Variants in KAZN observed in about 807,000 individuals in gnomAD.
The protein encoded by KAZN is kazrin, periplakin interacting protein.
In KAZN, 40 loss-of-function variants were observed where a neutral mutation model predicts 87.4. The ratio of observed to expected loss-of-function variants is 0.46; its 90% CI spans 0.36 to 0.60. The LOEUF is 0.60. Ranked by LOEUF, KAZN falls within the 20% of genes least tolerant of loss-of-function variation. KAZN has a pLI of 0.00. For synonymous variants in KAZN, 466 were observed against 458.3 expected, an observed-to-expected ratio of 1.02 and a Z score of -0.22; for missense variants, 898 against 1,073.9, an observed-to-expected ratio of 0.84 and a Z score of 2.29.
intron 1 of KAZN, among the ~76,000 whole-genome samples, chr1:14,702,326 C>CTG (rs3222186): frequency 0.25 from 32,950 of 133,220 alleles, 3,965 homozygotes; most frequent in Non-Finnish European, 0.29. Context: ...TTTTGCAAAA[C>CTG]TGTGTGTGTG....
At chr1:15,043,870 C>T (rs1673180113) in intron 3 of KAZN, 119 bp from the exon 4 acceptor site, 1 of 1,019,728 alleles carries the variant, frequency 9.8e-7, no homozygotes, top group Non-Finnish European at 1.4e-6. Flanking sequence ...GTCTCAATCT[C>T]CTGACCTCGT....
chr1:14,362,088 A>G (rs1659567583), intron 2 of KAZN, among the ~76,000 whole-genome samples: 1 of 152,126 alleles, frequency 6.6e-6, no homozygotes, highest in Admixed American at 6.5e-5. Flanking sequence ...TATTACCATA[A>G]ACTTACTGAC....
intron 1 of KAZN, among the ~76,000 whole-genome samples, chr1:14,942,465 C>T (rs758827255): frequency 2.0e-4 from 31 of 152,228 alleles, no homozygotes; most frequent in Non-Finnish European, 4.1e-4. Flanking sequence ...CCGCTCCAAA[C>T]GTTAACACGC....
At chr1:14,899,894 C>A (rs530159966) in intron 1 of KAZN, among the ~76,000 whole-genome samples, 120 of 152,362 alleles carry the variant, frequency 7.9e-4, no homozygotes, top group Non-Finnish European at 1.4e-3. Flanking sequence ...TTCCTATCGC[C>A]CTCTCTCCTC....
intron 1 of KAZN, among the ~76,000 whole-genome samples, chr1:14,003,622 G>T (rs987734484): frequency 2.0e-5 from 3 of 152,162 alleles, no homozygotes; most frequent in Admixed American, 6.5e-5. Flanking sequence ...CTGCAGTGTG[G>T]TGGTGAAATT....
intron 2 of KAZN, among the ~76,000 whole-genome samples, chr1:14,539,745 G>T (rs184448958): frequency 8.6e-5 from 13 of 150,432 alleles, no homozygotes; most frequent in Non-Finnish European, 1.5e-4. Context: ...GACGTTTTTA[G>T]GCCCTGACTT....
intron 2 of KAZN, among the ~76,000 whole-genome samples, chr1:14,992,400 G>A (rs988621188): frequency 6.6e-6 from 1 of 152,182 alleles, no homozygotes; most frequent in African/African-American, 2.4e-5. Context: ...CCCGGGCCAA[G>A]GGTGAGGAGG....
At chr1:14,064,000 T>G (rs1308258295) in intron 1 of KAZN, among the ~76,000 whole-genome samples, 4 of 151,834 alleles carry the variant, frequency 2.6e-5, no homozygotes, top group Non-Finnish European at 5.9e-5. Context: ...CACTGCAACC[T>G]CCACCTCTTG....
At chr1:14,025,303 C>G (rs1641022511) in intron 1 of KAZN, among the ~76,000 whole-genome samples, 1 of 152,214 alleles carries the variant, frequency 6.6e-6, no homozygotes. Flanking sequence ...GGCAGCTCTG[C>G]TCAGTTCTGA....
intron 4 of KAZN, among the ~76,000 whole-genome samples, chr1:15,048,730 ATGGGTCGTCGATCCTGGGTCGTCGATCC>A (rs1296160724): frequency 8.1e-5 from 8 of 98,846 alleles, no homozygotes; most frequent in African/African-American, 2.6e-4. Context: ...GTCGTTGGTC[ATGGGTCGTCGATCCTGGGTCGTCGATCC>A]TGGGTCGTCG....
Position 15,096,198 on chromosome 1 carries a change from G to A in KAZN, c.1547+1265G>A, listed in dbSNP as rs1351438550. ...GCCCCCTTACCCCACACCCAGCAGG[G>A]TCCATAAACACTGCCTGTGTTCAAT... On this transcript the variant is annotated intron_variant, in intron 10 of 14. Coordinates refer to ENST00000376030, the MANE Select transcript of KAZN (RefSeq NM_201628.3). The surrounding 1 kb of genome is among the most constrained non-coding windows in gnomAD (Gnocchi z 4.5). 6.6e-6 allele frequency among the ~76,000 whole-genome samples: 1 copy of A among 152,134 alleles called. No individual in the cohort carries two copies. Among genetic ancestry groups the A allele is most frequent in the Admixed American group, 6.5e-5 (1 of 15,276 alleles).
chr1:13,897,268 C>A (rs185860200), intron 1 of KAZN, among the ~76,000 whole-genome samples: 44 of 152,270 alleles, frequency 2.9e-4, no homozygotes, highest in Admixed American at 2.9e-3. Flanking sequence ...TGGCTCCTTG[C>A]AGAAAAAACA....
chr1:13,969,333 C>G (rs1263795898), intron 1 of KAZN, among the ~76,000 whole-genome samples: 2 of 152,152 alleles, frequency 1.3e-5, no homozygotes, highest in Non-Finnish European at 2.9e-5. Flanking sequence ...AGTGTGGGCT[C>G]TTAATCCAAT....
At chr1:15,080,212 A>G in intron 8 of KAZN, among the ~76,000 whole-genome samples, 1 of 152,208 alleles carries the variant, frequency 6.6e-6, no homozygotes, top group Admixed American at 6.5e-5. Flanking sequence ...TGGCACCAAA[A>G]TGAGGGGGCG....
At chr1:14,202,646 C>T (rs1338765128) in intron 2 of KAZN, among the ~76,000 whole-genome samples, 2 of 152,124 alleles carry the variant, frequency 1.3e-5, no homozygotes, top group Admixed American at 1.3e-4. Context: ...TAGCTAGTGA[C>T]CTCAGGAGTG....
At chr1:15,078,060 G>A (rs1342106815) in intron 8 of KAZN, among the ~76,000 whole-genome samples, 4 of 152,252 alleles carry the variant, frequency 2.6e-5, no homozygotes, top group South Asian at 4.1e-4. Flanking sequence ...CCAAAGTCAC[G>A]TAAGAAATTT....
At chr1:14,465,398 CAAAA>C (rs71572107) in intron 2 of KAZN, among the ~76,000 whole-genome samples, 1 of 84,814 alleles carries the variant, frequency 1.2e-5, no homozygotes, top group Non-Finnish European at 2.1e-5. Flanking sequence ...GACTCTGTCT[CAAAA>C]AAAAAAAAAA....
chr1:14,900,540 T>G (rs1655749419), intron 1 of KAZN, among the ~76,000 whole-genome samples: 1 of 151,820 alleles, frequency 6.6e-6, no homozygotes, highest in Admixed American at 6.6e-5. Context: ...GATCATGAGG[T>G]CAGGAGATCG....
chr1:14,833,198 C>T (rs1217183017), intron 1 of KAZN, among the ~76,000 whole-genome samples: 1 of 152,206 alleles, frequency 6.6e-6, no homozygotes, highest in East Asian at 1.9e-4. Flanking sequence ...AACCACTCAC[C>T]GAGTTGGACC....
Sources: allele counts gnomAD v4.1 joint callset (sites outside exome capture counted in the v4.1 genomes callset), GRCh38; gene constraint gnomAD v4.1.1; non-coding constraint Gnocchi (gnomAD v3.1); transcripts MANE v1.5; gene names NCBI Gene and HGNC (gene_info 2026-07-23, HGNC 2026-07-21).